TMEM131: variants seen among roughly 807,000 people sequenced by gnomAD.
The protein encoded by TMEM131 is transmembrane protein 131, also known as 2610524E03Rik.
In TMEM131, 66 loss-of-function variants were observed where a neutral mutation model predicts 211.6. That is an observed-to-expected ratio of 0.31 (90% CI 0.26 to 0.38). The LOEUF is 0.38. Among genes scored for constraint, TMEM131 ranks in the 10% least tolerant of loss-of-function variants. The pLI is 1.00. For missense variants in TMEM131, 2,036 were observed against 2,299.3 expected, an observed-to-expected ratio of 0.89 and a Z score of 2.34; for synonymous variants, 844 against 841.3, an observed-to-expected ratio of 1.00 and a Z score of -0.06.
chr2:97,995,111 T>G (rs1680432776), intron 1 of TMEM131, among the ~76,000 whole-genome samples: 1 of 152,244 alleles, frequency 6.6e-6, no homozygotes, highest in Non-Finnish European at 1.5e-5. Context: ...TAAAGTAAGC[T>G]CTGTCTGCAT....
rs541857679 is a variant in TMEM131, at chr2:97,900,689, T to A, written c.290+7969A>T. 3.9e-5 allele frequency among the ~76,000 whole-genome samples: 6 copies of A among 152,192 alleles called. No homozygotes were observed. The South Asian group carries it at 1.2e-3, about 32-fold the overall frequency. On this transcript the variant is annotated intron_variant, in intron 3 of 40. Transcript: ENST00000186436. ...TTCAATGAACATGAGAATGCAGCTA[T>A]CTCTTTGACATAATTATTTCATTTC... is the stretch of plus-strand genomic sequence containing the variant.
chr2:97,837,970 G>T (rs1304827685), intron 7 of TMEM131, among the ~76,000 whole-genome samples: 1 of 152,120 alleles, frequency 6.6e-6, no homozygotes, highest in African/African-American at 2.4e-5. Flanking sequence ...TTATCTAAAT[G>T]GAATAATACA....
chr2:97,773,624 G>C (rs967236864), intron 32 of TMEM131, among the ~76,000 whole-genome samples: 1 of 151,950 alleles, frequency 6.6e-6, no homozygotes, highest in Non-Finnish European at 1.5e-5. Flanking sequence ...CTCCCCAACA[G>C]GGTACACATC....
chr2:97,900,495 G>A (rs1476111658), intron 3 of TMEM131, among the ~76,000 whole-genome samples: 1 of 151,920 alleles, frequency 6.6e-6, no homozygotes, highest in Admixed American at 6.6e-5. Flanking sequence ...ATAAATGACA[G>A]GATTTCCTTA....
intron 4 of TMEM131, among the ~76,000 whole-genome samples, chr2:97,874,016 GAGA>G (rs1385199742): frequency 1.3e-5 from 2 of 152,186 alleles, no homozygotes; most frequent in African/African-American, 2.4e-5. Flanking sequence ...AACCAGTGTA[GAGA>G]AGAACATAAA....
intron 11 of TMEM131, among the ~76,000 whole-genome samples, chr2:97,825,325 G>T (rs560813864): frequency 2.6e-5 from 4 of 152,202 alleles, no homozygotes; most frequent in African/African-American, 9.7e-5. Context: ...CATCTAGGTC[G>T]AAGGCCCAGC....
At chr2:97,780,816 A>G (rs1230305330) in intron 31 of TMEM131, among the ~76,000 whole-genome samples, 1 of 152,182 alleles carries the variant, frequency 6.6e-6, no homozygotes, top group Non-Finnish European at 1.5e-5. Flanking sequence ...AAATTAACCC[A>G]TCTAAATAAA....
chr2:97,846,216 T>C (rs938060632), intron 5 of TMEM131, among the ~76,000 whole-genome samples: 2 of 152,218 alleles, frequency 1.3e-5, no homozygotes, highest in Admixed American at 6.5e-5. Flanking sequence ...TAATTCAGCA[T>C]TACCCTGAAT....
At position 97,930,546 on chromosome 2, in the gene TMEM131, C is replaced by T. The variant is rs1677176525; in HGVS notation, c.188-3059G>A. ...AAAATACTATGTTACACATCACTGG[C>T]TTTCCTTAAAAGATGTAGAGATAAA... On this transcript the variant is annotated intron_variant, in intron 1 of 40. Coordinates refer to ENST00000186436, the MANE Select transcript of TMEM131 (RefSeq NM_015348.2). 1.3e-5 allele frequency among the ~76,000 whole-genome samples: 2 copies of T among 151,778 alleles called. 1 individual carries two copies. The highest frequency in any genetic ancestry group is 4.9e-5 in the African/African-American group (2 of 41,072).
chr2:97,756,881 T>C lies in TMEM131; in HGVS notation c.*218A>G. 1 of 514,934 alleles carries C rather than the reference T, an allele frequency of 1.9e-6. No homozygotes were observed. Among genetic ancestry groups the C allele is most frequent in the Non-Finnish European group, 3.2e-6 (1 of 308,800 alleles). 31.9% of individuals were successfully genotyped at this position (514,934 alleles called of 1,614,324 possible). On this transcript the variant is annotated 3_prime_UTR_variant, in exon 41 of 41. Transcript: ENST00000186436. ...TTAGAGTTTGTGGCTGAGTCCAGAC[T>C]TTTCTCTAAAAGCACAACAGCAAAT...
intron 1 of TMEM131, among the ~76,000 whole-genome samples, chr2:97,943,042 AAAGAAAGAAAGAAAG>A (rs1180452081): frequency 2.3e-4 from 11 of 48,242 alleles, no homozygotes; most frequent in Admixed American, 2.1e-3. Context: ...AAAAGAAAAG[AAAGAAAGAAAGAAAG>A]AAAGAAAGAA....
chr2:97,815,288 T>C lies in TMEM131; in HGVS notation c.1203A>G (p.Pro401=), dbSNP rs1047238319. 8 of 1,571,430 alleles carry C rather than the reference T, an allele frequency of 5.1e-6. No individual in the cohort carries two copies. The highest frequency in any genetic ancestry group is 6.9e-6 in the Non-Finnish European group (8 of 1,167,878). Residue 401 remains proline (P), a synonymous_variant, in exon 13 of 41, where the codon CCA becomes CCG. Transcript: ENST00000186436. The stretch of plus-strand genomic sequence containing the variant: ...CTGTTATTTTCCCAGAAAACTGAGA[T>C]GGCTTTTTTGCCTTCGATGCTGAAA... ...ISFDASKAKK[P]SQFSGKITVK...
At chr2:97,992,631 T>A (rs1452251193) in intron 1 of TMEM131, among the ~76,000 whole-genome samples, 2 of 152,226 alleles carry the variant, frequency 1.3e-5, no homozygotes, top group African/African-American at 4.8e-5. Flanking sequence ...ACATGATATA[T>A]AATGCTTTTT....
intron 31 of TMEM131, among the ~76,000 whole-genome samples, chr2:97,783,607 T>C (rs1202036941): frequency 2.6e-5 from 4 of 151,782 alleles, no homozygotes; most frequent in Non-Finnish European, 2.9e-5. Context: ...AATGTATACC[T>C]AGAGCAACCA....
intron 1 of TMEM131, among the ~76,000 whole-genome samples, chr2:97,944,938 T>C (rs2104510247): frequency 6.6e-6 from 1 of 152,274 alleles, no homozygotes; most frequent in Admixed American, 6.5e-5. Flanking sequence ...TACCATACAA[T>C]ATACCAATTA....
intron 4 of TMEM131, among the ~76,000 whole-genome samples, chr2:97,866,104 G>A (rs539371638): frequency 8.5e-5 from 13 of 152,246 alleles, no homozygotes; most frequent in African/African-American, 2.9e-4. Context: ...GGATGGTCTC[G>A]ATCTCCTGAC....
chr2:97,961,225 T>C (rs180708087), intron 1 of TMEM131, among the ~76,000 whole-genome samples: 17 of 152,066 alleles, frequency 1.1e-4, no homozygotes, highest in Admixed American at 8.5e-4. Flanking sequence ...ATACAAGCAC[T>C]GAACAATTGA....
At chr2:97,759,116 G>C in intron 39 of TMEM131, 63 bp from the exon 40 acceptor site, 2 of 1,594,914 alleles carry the variant, frequency 1.3e-6, no homozygotes, top group East Asian at 4.5e-5. Context: ...TATAGCATAT[G>C]GGGCTTCACT....
chr2:97,844,295 GA>G (rs1341048417), intron 5 of TMEM131, 34 bp from the exon 6 acceptor site: 44 of 810,358 alleles, frequency 5.4e-5, no homozygotes, highest in South Asian at 2.3e-4. Flanking sequence ...TTTGTAACAA[GA>G]AAAAAAATTA....
Sources: allele counts gnomAD v4.1 joint callset (sites outside exome capture counted in the v4.1 genomes callset), GRCh38; gene constraint gnomAD v4.1.1; transcripts MANE v1.5; gene names NCBI Gene and HGNC (gene_info 2026-07-23, HGNC 2026-07-21).